DDX31: variants seen among roughly 807,000 people sequenced by gnomAD.
The protein encoded by DDX31 is ATP-dependent DNA helicase DDX31.
In DDX31, 70 loss-of-function variants were observed where a neutral mutation model predicts 91.3. The ratio of observed to expected loss-of-function variants is 0.77; its 90% CI spans 0.63 to 0.94. The LOEUF (loss-of-function observed/expected upper bound fraction) is 0.94. DDX31 is among the 40% of genes least tolerant of loss of function. DDX31 has a pLI of 0.00. For synonymous variants in DDX31, 362 were observed against 350.6 expected (o/e 1.03, Z -0.36); for missense variants, 902 against 925.0 (o/e 0.98, Z 0.32).
intron 1 of DDX31, 91 bp downstream of exon 1, chr9:132,669,769 G>A (rs1453129448): frequency 6.6e-7 from 1 of 1,520,598 alleles, no homozygotes. Context: ...TGAATGACTC[G>A]AAACCCGACT....
chr9:132,620,110 A>G (rs188509057), intron 17 of DDX31, among the ~76,000 whole-genome samples: 13 of 152,222 alleles, frequency 8.5e-5, no homozygotes, highest in African/African-American at 2.4e-4. Context: ...CTAGAGTGTT[A>G]AATAAACAGA....
intron 1 of DDX31, among the ~76,000 whole-genome samples, chr9:132,667,599 T>C (rs1052914626): frequency 7.5e-6 from 1 of 133,194 alleles, no homozygotes; most frequent in Non-Finnish European, 1.5e-5. Context: ...CGAGACTCCA[T>C]CTCAAAAAAA....
At chr9:132,600,630 T>C (rs950217016) in intron 19 of DDX31, among the ~76,000 whole-genome samples, 4 of 152,008 alleles carry the variant, frequency 2.6e-5, no homozygotes, top group Admixed American at 2.0e-4. Flanking sequence ...ATATGGCCGA[T>C]GTTTGAAAAT....
Position 132,614,072 on chromosome 9 carries a change from G to T in DDX31, c.1826-1817C>A, listed in dbSNP as rs144331301. 6.2e-4 allele frequency among the ~76,000 whole-genome samples: 95 copies of T among 152,272 alleles called. 1 individual carries two copies. Among genetic ancestry groups the T allele is most frequent in the Non-Finnish European group, 1.0e-4 (7 of 68,032 alleles). ...CTCTCCTTGTTGAGCCACTGGACTG[G>T]CAAGTTTGCCCACAGCTTAAACATA... On this transcript the variant is annotated intron_variant, in intron 18 of 19. Transcript: ENST00000372159.
At chr9:132,619,346 T>C (rs1252143874) in intron 17 of DDX31, among the ~76,000 whole-genome samples, 1 of 152,156 alleles carries the variant, frequency 6.6e-6, no homozygotes, top group Non-Finnish European at 1.5e-5. Context: ...CACTGATCAC[T>C]TGAGTGGTGC....
At chr9:132,603,897 G>T (rs1297830073) in intron 19 of DDX31, among the ~76,000 whole-genome samples, 1 of 152,174 alleles carries the variant, frequency 6.6e-6, no homozygotes, top group East Asian at 1.9e-4. Flanking sequence ...CTCATTAGCA[G>T]GGTGGGGAGG....
chr9:132,651,159 C>CTT (rs200786970), intron 7 of DDX31, 43 bp from the exon 8 acceptor site: 5,326 of 1,244,018 alleles, frequency 4.3e-3, no homozygotes, highest in Admixed American at 6.5e-3. Flanking sequence ...CAGGATCCCC[C>CTT]TTTTTTTTTT....
intron 1 of DDX31, 130 bp downstream of exon 1, chr9:132,669,730 G>T (rs1191455402): frequency 1.3e-6 from 2 of 1,530,194 alleles, no homozygotes; most frequent in African/African-American, 2.7e-5. Context: ...TCCCGAAGCT[G>T]CCCGGTGTCT....
At chr9:132,658,298 T>C (rs774160531) in intron 6 of DDX31, 1 of 703,308 alleles carries the variant, frequency 1.4e-6, no homozygotes, top group South Asian at 1.5e-5. Flanking sequence ...CTGCATGGCC[T>C]TGGTTATTTA....
rs1304618340 is a variant in DDX31, at chr9:132,645,761, T to C, written c.1380+134A>G. Reference sequence around the variant, plus strand: ...TGGGTCACCCATTTTCGTCTCATTCTTGACTTGCCCAGTGGAGTGTGCAAG... The same window carrying C: ...TGGGTCACCCATTTTCGTCTCATTCCTGACTTGCCCAGTGGAGTGTGCAAG... On this transcript the variant is annotated intron_variant, in intron 13 of 19. Transcript: ENST00000372159. 1.0e-6 allele frequency: 1 copy of C among 989,902 alleles called. No homozygotes were observed. Among genetic ancestry groups the C allele is most frequent in the Non-Finnish European group, 1.4e-6 (1 of 705,502 alleles). 61.3% of individuals were successfully genotyped at this position (989,902 alleles called of 1,614,324 possible). A position where few individuals can be genotyped will look rare whatever the true frequency, so the allele number is the denominator to read the frequency against.
rs1835606801 is a variant in DDX31, at chr9:132,669,764, G to C, written c.75+96C>G. The C allele has an allele frequency of 1.9e-5, 29 of 1,523,054 alleles. No individual in the cohort carries two copies. The South Asian group carries it at 3.5e-4, about 19-fold the overall frequency. 94.3% of individuals were successfully genotyped at this position (1,523,054 alleles called of 1,614,324 possible). On this transcript the variant is annotated intron_variant, in intron 1 of 19. Coordinates refer to ENST00000372159, the MANE Select transcript of DDX31 (RefSeq NM_022779.9). Reference sequence around the variant, plus strand: ...CTTTCTCCCGCTTAACTCCGTGAATGACTCGAAACCCGACTCCAAGGCACG... The same window carrying C: ...CTTTCTCCCGCTTAACTCCGTGAATCACTCGAAACCCGACTCCAAGGCACG...
rs774528019 is a variant in DDX31 at position 132,646,838 on chromosome 9, G to C, written c.1188C>G (p.Ile396Met). ...KLRLVCLAAF[I>M]LQKCKFEEDQ... ...ACAGTCCCACCTTGCATTTCTGAAG[G>C]ATGAAGGCCGCTAGGCAGACAAGCC... is the stretch of plus-strand genomic sequence containing the variant. The change falls in exon 12 of 20, where the codon ATC (isoleucine) becomes ATG (methionine). Residue 396 changes from isoleucine (I) to methionine (M), a missense_variant. By Grantham distance (10) the Ile-to-Met change is conservative. Coordinates refer to ENST00000372159, the MANE Select transcript of DDX31 (RefSeq NM_022779.9). The C allele has an allele frequency of 9.3e-6, 15 of 1,613,968 alleles. No homozygotes were observed. The highest frequency in any genetic ancestry group is 1.3e-5 in the Non-Finnish European group (15 of 1,179,936).
intron 9 of DDX31, among the ~76,000 whole-genome samples, chr9:132,648,801 A>G (rs1019165074): frequency 1.3e-5 from 2 of 152,216 alleles, no homozygotes; most frequent in Non-Finnish European, 2.9e-5. Flanking sequence ...AAGGGATCAT[A>G]ACTACATAAT....
At chr9:132,657,942 A>T (rs539741022) in intron 6 of DDX31, 186 of 205,934 alleles carry the variant, frequency 9.0e-4, no homozygotes, top group African/African-American at 4.0e-3. Flanking sequence ...ATGGCTGCTT[A>T]TTTTCATATT....
intron 6 of DDX31, among the ~76,000 whole-genome samples, chr9:132,654,313 A>T (rs1295744991): frequency 6.6e-6 from 1 of 152,180 alleles, no homozygotes; most frequent in Non-Finnish European, 1.5e-5. Flanking sequence ...TTCAATCTTT[A>T]AAAAAAGACC....
intron 19 of DDX31, among the ~76,000 whole-genome samples, chr9:132,601,775 A>G (rs1830735170): frequency 1.3e-5 from 2 of 152,158 alleles, no homozygotes; most frequent in Admixed American, 1.3e-4. Flanking sequence ...CACCAGAAAC[A>G]AGCCCCTCTG....
At chr9:132,628,835 C>A (rs564655972) in intron 16 of DDX31, among the ~76,000 whole-genome samples, 1 of 152,348 alleles carries the variant, frequency 6.6e-6, no homozygotes, top group African/African-American at 2.4e-5. Flanking sequence ...GTGGTGACTA[C>A]ATTTTCTATT....
In DDX31 at chr9:132,650,289, A is replaced by G; in HGVS notation, c.685T>C (p.Trp229Arg). The G allele has an allele frequency of 6.2e-7, 1 of 1,614,172 alleles. No homozygotes were observed. The highest frequency in any genetic ancestry group is 8.5e-7 in the Non-Finnish European group (1 of 1,180,002). The change falls in exon 9 of 20, where the codon TGG becomes CGG. Residue 229 changes from tryptophan to arginine, a missense_variant. Transcript: ENST00000372159. ...TVQKLLKPFT[W>R]IVPGVLMGGE... ...CCCATTAACACTCCAGGCACAATCC[A>G]GGTGAAAGGCTACAGAAAGACAGCA...
intron 18 of DDX31, among the ~76,000 whole-genome samples, chr9:132,612,826 C>A (rs1831421648): frequency 6.6e-6 from 1 of 152,168 alleles, no homozygotes; most frequent in African/African-American, 2.4e-5. Context: ...ACCACCAATG[C>A]CCCCTTCACC....
Sources: allele counts gnomAD v4.1 joint callset (sites outside exome capture counted in the v4.1 genomes callset), GRCh38; gene constraint gnomAD v4.1.1; transcripts MANE v1.5; gene names NCBI Gene and HGNC (gene_info 2026-07-23, HGNC 2026-07-21).